GRM3: variants seen among roughly 807,000 people sequenced by gnomAD.
The protein encoded by GRM3 is glutamate metabotropic receptor 3, also known as metabotropic glutamate receptor 3.
A neutral mutation model predicts 70.5 loss-of-function variants in GRM3; 26 were observed. The observed-to-expected ratio is 0.37, with a 90% CI of 0.27 to 0.51. The LOEUF is 0.51. Among genes scored for constraint, GRM3 ranks in the 20% least tolerant of loss-of-function variants. GRM3 has a pLI of 0.93. For synonymous variants in GRM3, 443 were observed against 434.9 expected (o/e 1.02, Z -0.23); for missense variants, 859 against 1,123.8 (o/e 0.76, Z 3.37).
chr7:86,742,259 C>T (rs1390186216), intron 1 of GRM3, among the ~76,000 whole-genome samples: 1 of 152,142 alleles, frequency 6.6e-6, no homozygotes, highest in South Asian at 2.1e-4. Flanking sequence ...GATCAGGAAG[C>T]CTCGCTGCTT....
chr7:86,754,237 A>G (rs796473537), intron 1 of GRM3, among the ~76,000 whole-genome samples: 2 of 152,146 alleles, frequency 1.3e-5, no homozygotes, highest in Admixed American at 6.6e-5. Context: ...AGGCCTTGAT[A>G]CTTTACTATC....
intron 3 of GRM3, among the ~76,000 whole-genome samples, chr7:86,826,305 C>T (rs900013836): frequency 1.3e-5 from 2 of 152,198 alleles, no homozygotes; most frequent in African/African-American, 4.8e-5. Context: ...AACAGACATT[C>T]TTGCTTGTGA....
chr7:86,786,868 T>A lies in GRM3; in HGVS notation c.1076T>A (p.Phe359Tyr). 6.2e-7 allele frequency: 1 copy of A among 1,614,186 alleles called. No homozygotes were observed. The highest frequency in any genetic ancestry group is 8.5e-7 in the Non-Finnish European group (1 of 1,180,022). Residue 359 changes from phenylalanine to tyrosine, a missense_variant, in exon 3 of 6, where the codon TTT becomes TAT. Physicochemically the swap from Phe to Tyr is conservative, Grantham distance 22. Coordinates refer to ENST00000361669, the MANE Select transcript of GRM3 (RefSeq NM_000840.3). The surrounding 1 kb of genome is among the most constrained non-coding windows in gnomAD (Gnocchi z 6.0). ...TTCCGGGACTTCTGGGAGCAAAAGTTTCAGTGCAGCCTCCAGAACAAACGC... is the reference window on the plus strand; with the variant it reads ...TTCCGGGACTTCTGGGAGCAAAAGTATCAGTGCAGCCTCCAGAACAAACGC... Reference protein sequence around the residue: ...PWFRDFWEQKFQCSLQNKRNH... With the variant: ...PWFRDFWEQKYQCSLQNKRNH...
At chr7:86,802,598 GAAA>G (rs111893340) in intron 3 of GRM3, among the ~76,000 whole-genome samples, 1 of 135,626 alleles carries the variant, frequency 7.4e-6, no homozygotes, top group African/African-American at 2.6e-5. Flanking sequence ...ATAGTAAATT[GAAA>G]AAAAAAAAAC....
intron 3 of GRM3, among the ~76,000 whole-genome samples, chr7:86,791,826 C>A (rs1228117099): frequency 1.3e-5 from 2 of 152,190 alleles, no homozygotes; most frequent in Non-Finnish European, 2.9e-5. Context: ...GTTCATCAAA[C>A]ACCCAAACTT....
intron 1 of GRM3, among the ~76,000 whole-genome samples, chr7:86,762,404 C>A (rs529802787): frequency 5.3e-5 from 8 of 152,160 alleles, no homozygotes; most frequent in Admixed American, 3.3e-4. Context: ...TCATTCGCTG[C>A]ATGTGAAAGG....
At chr7:86,673,182 T>C (rs913334460) in intron 1 of GRM3, among the ~76,000 whole-genome samples, 12 of 152,250 alleles carry the variant, frequency 7.9e-5, no homozygotes, top group East Asian at 1.9e-4. Context: ...AACCTATCCA[T>C]TCCCTAATTG....
chr7:86,707,985 A>G (rs1356483167), intron 1 of GRM3, among the ~76,000 whole-genome samples: 1 of 152,160 alleles, frequency 6.6e-6, no homozygotes, highest in East Asian at 1.9e-4. Context: ...AGAAGCGTGA[A>G]TTACATAAAG....
intron 3 of GRM3, among the ~76,000 whole-genome samples, chr7:86,831,436 A>G (rs769738912): frequency 6.6e-6 from 1 of 152,284 alleles, no homozygotes; most frequent in Non-Finnish European, 1.5e-5. Flanking sequence ...AGAAGGTAGG[A>G]AAAAAATGTG....
chr7:86,795,318 A>ATTTTATTTTATTTTATTTTATTTTATTT (rs1416596265), intron 3 of GRM3, among the ~76,000 whole-genome samples: 2 of 147,828 alleles, frequency 1.4e-5, no homozygotes, highest in Non-Finnish European at 1.5e-5. Context: ...ATTTTATTTT[A>ATTTTATTTTATTTTATTTTATTTTATTT]TGTTCCAGGA....
intron 3 of GRM3, among the ~76,000 whole-genome samples, chr7:86,800,169 A>T (rs567521169): frequency 1.1e-4 from 17 of 152,302 alleles, no homozygotes; most frequent in African/African-American, 3.6e-4. Context: ...TATAGCACTA[A>T]ATTCCCACAT....
chr7:86,721,680 C>T (rs1202362256), intron 1 of GRM3, among the ~76,000 whole-genome samples: 2 of 152,010 alleles, frequency 1.3e-5, no homozygotes, highest in African/African-American at 2.4e-5. Flanking sequence ...TAAATGTTCA[C>T]CACTAGACCT....
At chr7:86,699,851 C>G (rs1301676311) in intron 1 of GRM3, among the ~76,000 whole-genome samples, 2 of 151,930 alleles carry the variant, frequency 1.3e-5, no homozygotes, top group Non-Finnish European at 2.9e-5. Flanking sequence ...AAAGGTCACA[C>G]TTGTTATTAT....
In GRM3 at chr7:86,864,568, A is replaced by G. The variant is rs563732972; in HGVS notation, c.*213A>G. ...CTATTATTAACAATTCCCCCAGAAC[A>G]TGGAAATAACCATTGTTTACAGAGC... On this transcript the variant is annotated 3_prime_UTR_variant, in exon 6 of 6. Transcript: ENST00000361669. 137 of 443,428 alleles carry G rather than the reference A, an allele frequency of 3.1e-4. 2 individuals are homozygous for G. The South Asian group carries it at 5.2e-3, about 17-fold the overall frequency. The allele number at this position is 443,428 out of a possible 1,614,324, so 27.5% of individuals were successfully genotyped here. A position where few individuals can be genotyped will look rare whatever the true frequency, so the allele number is the denominator to read the frequency against.
chr7:86,824,827 C>T (rs1238002874), intron 3 of GRM3, among the ~76,000 whole-genome samples: 1 of 151,760 alleles, frequency 6.6e-6, no homozygotes, highest in Non-Finnish European at 1.5e-5. Flanking sequence ...CATATATATA[C>T]AGATAGATAG....
At chr7:86,729,534 G>A (rs1458020636) in intron 1 of GRM3, among the ~76,000 whole-genome samples, 3 of 152,030 alleles carry the variant, frequency 2.0e-5, no homozygotes, top group Non-Finnish European at 2.9e-5. Flanking sequence ...TTTCTAAATT[G>A]TTAACTTTAC....
intron 5 of GRM3, among the ~76,000 whole-genome samples, chr7:86,859,037 A>G (rs973805521): frequency 6.6e-6 from 1 of 152,180 alleles, no homozygotes; most frequent in Non-Finnish European, 1.5e-5. Flanking sequence ...GCTGCAGTGC[A>G]GTGACATGAT....
At position 86,713,675 on chromosome 7, in the gene GRM3, T is replaced by C. The variant is rs544641124; in HGVS notation, c.-140-51331T>C. Among the ~76,000 whole-genome samples, 4 of 152,072 alleles carry C rather than the reference T, an allele frequency of 2.6e-5. No individual in the cohort carries two copies. The South Asian group carries it at 8.3e-4, about 32-fold the overall frequency. Reference sequence around the variant, plus strand: ...GTACTTCATTTGGTACAAAATACAGTCTCTTGTTTGAATTACATGGCCAGG... The same window carrying C: ...GTACTTCATTTGGTACAAAATACAGCCTCTTGTTTGAATTACATGGCCAGG... On this transcript the variant is annotated intron_variant, in intron 1 of 5. Coordinates refer to ENST00000361669, the MANE Select transcript of GRM3 (RefSeq NM_000840.3).
chr7:86,747,105 G>A (rs1796121084), intron 1 of GRM3, among the ~76,000 whole-genome samples: 1 of 152,168 alleles, frequency 6.6e-6, no homozygotes, highest in African/African-American at 2.4e-5. Context: ...CCTTCCATAT[G>A]TAAGTGTCCA....
Sources: allele counts gnomAD v4.1 joint callset (sites outside exome capture counted in the v4.1 genomes callset), GRCh38; gene constraint gnomAD v4.1.1; non-coding constraint Gnocchi (gnomAD v3.1); transcripts MANE v1.5; gene names NCBI Gene and HGNC (gene_info 2026-07-23, HGNC 2026-07-21).